Variants in UBE2W observed in about 807,000 individuals in gnomAD.
The protein encoded by UBE2W is ubiquitin conjugating enzyme E2 W.
UBE2W carries 18 observed loss-of-function variants against 27.2 expected under a neutral mutation model. The observed-to-expected ratio is 0.66, with a 90% CI of 0.46 to 0.98. UBE2W has a LOEUF of 0.98. Ranked by LOEUF, UBE2W falls within the 50% of genes least tolerant of loss-of-function variation. The pLI is 0.00. For missense variants in UBE2W, 90 were observed against 180.2 expected, an observed-to-expected ratio of 0.50 and a Z score of 2.87; for synonymous variants, 53 against 57.2, an observed-to-expected ratio of 0.93 and a Z score of 0.33.
chr8:73,813,698 T>C (rs1374050486), intron 3 of UBE2W, among the ~76,000 whole-genome samples: 2 of 152,108 alleles, frequency 1.3e-5, no homozygotes, highest in South Asian at 4.1e-4. Flanking sequence ...AAGGAAATTT[T>C]TTTCAATAGT....
rs543248065 is a variant in UBE2W, at chr8:73,787,941, AATAG to A, written c.*6157_*6160del. ...CATATTACATAAAGGTGATGTGTTA[AATAG>A]ATGGTTTAAGTGACTATCTTCATTC... On this transcript the variant is annotated 3_prime_UTR_variant, in exon 6 of 6. Transcript: ENST00000602593. The A allele has an allele frequency of 8.9e-4, 874 of 985,354 alleles. 9 individuals carry two copies. The African/African-American group carries it at 0.014, about 16-fold the overall frequency. The allele number at this position is 985,354 out of a possible 1,614,324, so 61.0% of individuals were successfully genotyped here.
In UBE2W at chr8:73,830,373, A is replaced by C. The variant is rs1287382053; in HGVS notation, c.107+8T>G. 6 of 1,599,356 alleles carry C rather than the reference A, an allele frequency of 3.8e-6. No individual in the cohort carries two copies. In the East Asian group the frequency reaches 1.3e-4, roughly 36 times the overall value. On this transcript the variant is annotated splice_region_variant and intron_variant, in intron 2 of 5. Coordinates refer to ENST00000602593, the MANE Select transcript of UBE2W (RefSeq NM_018299.6). Reference sequence around the variant, plus strand: ...AAACAAAGAGCCCTTTTAAAATTAAATACTTACTGTGTAATTGAATTTTGA... The same window carrying C: ...AAACAAAGAGCCCTTTTAAAATTAACTACTTACTGTGTAATTGAATTTTGA...
At chr8:73,798,930 T>G (rs1275031516) in intron 5 of UBE2W, among the ~76,000 whole-genome samples, 6 of 141,800 alleles carry the variant, frequency 4.2e-5, no homozygotes, top group Non-Finnish European at 3.0e-5. Context: ...GTTAGGCTTG[T>G]TTTTTTTTTA....
At chr8:73,860,651 T>C (rs1248299349) in intron 1 of UBE2W, among the ~76,000 whole-genome samples, 1 of 152,172 alleles carries the variant, frequency 6.6e-6, no homozygotes, top group Non-Finnish European at 1.5e-5. Flanking sequence ...GGTGGATTTA[T>C]GATGTCAAAG....
At chr8:73,868,715 A>AT (rs1811878584) in intron 1 of UBE2W, among the ~76,000 whole-genome samples, 1 of 152,064 alleles carries the variant, frequency 6.6e-6, no homozygotes, top group East Asian at 1.9e-4. Flanking sequence ...AAAAAAAAAA[A>AT]AAAACCCACA....
chr8:73,823,370 C>G (rs1049484474), intron 3 of UBE2W, among the ~76,000 whole-genome samples: 3 of 152,162 alleles, frequency 2.0e-5, no homozygotes, highest in Non-Finnish European at 4.4e-5. Flanking sequence ...TTCATGCTTA[C>G]AGAAATATTA....
At chr8:73,781,606 G>A (rs974506234), downstream of UBE2W, among the ~76,000 whole-genome samples, 4 of 145,062 alleles carry the variant, frequency 2.8e-5, no homozygotes, top group Non-Finnish European at 6.0e-5. Context: ...GAATTTGTCC[G>A]ACTCAGGTTT....
At chr8:73,821,517 T>C (rs1471962204) in intron 3 of UBE2W, among the ~76,000 whole-genome samples, 3 of 37,250 alleles carry the variant, frequency 8.1e-5, no homozygotes, top group East Asian at 2.1e-3. Flanking sequence ...AGAGTGTGTG[T>C]GTGGTGGGGG....
intron 4 of UBE2W, among the ~76,000 whole-genome samples, chr8:73,806,237 T>G (rs1010584994): frequency 1.3e-5 from 2 of 151,972 alleles, no homozygotes; most frequent in Non-Finnish European, 2.9e-5. Context: ...CATAATAATT[T>G]AAACATAGCC....
chr8:73,807,930 T>C (rs945947971), intron 4 of UBE2W, among the ~76,000 whole-genome samples: 2 of 152,192 alleles, frequency 1.3e-5, no homozygotes, highest in Admixed American at 1.3e-4. Flanking sequence ...TGTAAATATA[T>C]TACAAAGGCA....
rs1013632950 is a variant in UBE2W at position 73,867,308 on chromosome 8, G to A, written c.15+11500C>T. Among the ~76,000 whole-genome samples, 22 of 152,082 alleles carry A rather than the reference G, an allele frequency of 1.4e-4. 1 individual carries two copies. Among genetic ancestry groups the A allele is most frequent in the African/African-American group, 4.1e-4 (17 of 41,428 alleles). On this transcript the variant is annotated intron_variant, in intron 1 of 5. Coordinates refer to ENST00000602593, the MANE Select transcript of UBE2W (RefSeq NM_018299.6). ...TCCCAGCACTTTGGGAGACTGAGGCGGACGGATCACAAGCTCAAGAGATAG... is the reference window on the plus strand; with the variant it reads ...TCCCAGCACTTTGGGAGACTGAGGCAGACGGATCACAAGCTCAAGAGATAG...
rs1374971384 is a variant in UBE2W at position 73,788,856 on chromosome 8, C to T, written c.*5246G>A. On this transcript the variant is annotated 3_prime_UTR_variant, in exon 6 of 6. Coordinates refer to ENST00000602593, the MANE Select transcript of UBE2W (RefSeq NM_018299.6). ...TCTCCTTTTCCCAGTCAACTCCTCA[C>T]TCACCATATTAAAACTGGAGTTCTT... The T allele has an allele frequency of 2.1e-5, 21 of 985,212 alleles. No individual in the cohort carries two copies. The highest frequency in any genetic ancestry group is 2.5e-5 in the Non-Finnish European group (21 of 829,934). The allele number at this position is 985,212 out of a possible 1,614,324, so 61.0% of individuals were successfully genotyped here. A position where few individuals can be genotyped will look rare whatever the true frequency, so the allele number is the denominator to read the frequency against.
intron 5 of UBE2W, chr8:73,796,644 T>C (rs1465307623): frequency 4.1e-6 from 4 of 984,902 alleles, no homozygotes; most frequent in African/African-American, 3.5e-5. Flanking sequence ...AAATGATCTG[T>C]AACAGCTAGA....
In UBE2W at chr8:73,818,533, G is replaced by T. The variant is rs140543615; in HGVS notation, c.210+6614C>A. ...GTAAAAAGTCAAAATTCTTACAAGG[G>T]GCTATAAATGTCCTATATAATCTGT... On this transcript the variant is annotated intron_variant, in intron 3 of 5. Transcript: ENST00000602593. Among the ~76,000 whole-genome samples the T allele has an allele frequency of 2.9e-4, 44 of 152,218 alleles. 2 individuals are homozygous for T. In the East Asian group the frequency reaches 8.3e-3, roughly 29 times the overall value.
Position 73,791,017 on chromosome 8 carries a change from A to G in UBE2W, c.*3085T>C. ...ATTGATATTCCTAGTCAAAACAACA[A>G]GGAATTAAGATCTTTCTCCAGGTGA... is the stretch of plus-strand genomic sequence containing the variant. On this transcript the variant is annotated 3_prime_UTR_variant, in exon 6 of 6. Transcript: ENST00000602593. The G allele has an allele frequency of 4.1e-6, 4 of 983,432 alleles. No individual in the cohort carries two copies. The highest frequency in any genetic ancestry group is 4.8e-6 in the Non-Finnish European group (4 of 828,126). The allele number at this position is 983,432 out of a possible 1,614,324, so 60.9% of individuals were successfully genotyped here.
At chr8:73,806,947 A>G (rs1171420555) in intron 4 of UBE2W, among the ~76,000 whole-genome samples, 1 of 152,224 alleles carries the variant, frequency 6.6e-6, no homozygotes, top group Non-Finnish European at 1.5e-5. Flanking sequence ...TGAGAAATAT[A>G]TGGCAGCTCC....
rs138388298 is a variant in UBE2W at position 73,849,620 on chromosome 8, A to G, written c.16-19148T>C. Among the ~76,000 whole-genome samples the G allele has an allele frequency of 5.0e-3, 756 of 151,814 alleles. 7 individuals carry two copies. The highest frequency in any genetic ancestry group is 0.017 in the African/African-American group (719 of 41,464). On this transcript the variant is annotated intron_variant, in intron 1 of 5. Transcript: ENST00000602593. Reference sequence around the variant, plus strand: ...AAAAAGAACTCAATCCAAAATAAGGAAAGACACAGACATAGGAAGAAAAGA... The same window carrying G: ...AAAAAGAACTCAATCCAAAATAAGGGAAGACACAGACATAGGAAGAAAAGA...
At chr8:73,869,274 A>C (rs1007040643) in intron 1 of UBE2W, among the ~76,000 whole-genome samples, 5 of 152,162 alleles carry the variant, frequency 3.3e-5, no homozygotes, top group African/African-American at 1.2e-4. Flanking sequence ...AGCTTTTTTT[A>C]AGGCCGGGCA....
At chr8:73,850,740 A>AAAAAAAAAAAC (rs1811041277) in intron 1 of UBE2W, among the ~76,000 whole-genome samples, 2 of 150,098 alleles carry the variant, frequency 1.3e-5, no homozygotes, top group African/African-American at 4.9e-5. Flanking sequence ...AAAAAAAAAA[A>AAAAAAAAAAAC]AAAAAAAAAA....
Sources: allele counts gnomAD v4.1 joint callset (sites outside exome capture counted in the v4.1 genomes callset), GRCh38; gene constraint gnomAD v4.1.1; transcripts MANE v1.5; gene names NCBI Gene and HGNC (gene_info 2026-07-23, HGNC 2026-07-21).